The following ADAMTS2 variants were observed in gnomAD, a reference collection of about 807,000 sequenced individuals.
The protein encoded by ADAMTS2 is A disintegrin and metalloproteinase with thrombospondin motifs 2.
ADAMTS2 carries 50 observed loss-of-function variants against 123.0 expected under a neutral mutation model. The observed-to-expected ratio is 0.41, with a 90% CI of 0.32 to 0.51. The LOEUF is 0.51. Ranked by LOEUF, ADAMTS2 falls within the 20% of genes least tolerant of loss-of-function variation. The pLI, the probability that ADAMTS2 is intolerant of heterozygous loss-of-function variation, is 0.35. For synonymous variants in ADAMTS2, 678 were observed against 695.4 expected (o/e 0.98, Z 0.39); for missense variants, 1,494 against 1,705.2 (o/e 0.88, Z 2.18).
intron 18 of ADAMTS2, 65 bp downstream of exon 18, chr5:179,125,933 C>G (rs984654286): frequency 9.5e-5 from 152 of 1,606,248 alleles, no homozygotes; most frequent in Admixed American, 2.5e-4. Context: ...CACCTCCAAG[C>G]ACGGGAGCCC....
intron 2 of ADAMTS2, among the ~76,000 whole-genome samples, chr5:179,288,322 G>A (rs1037914999): frequency 6.6e-5 from 10 of 152,346 alleles, no homozygotes; most frequent in African/African-American, 2.4e-4. Context: ...TCCCGGGCGG[G>A]CAGCCCTGCC....
At chr5:179,309,616 C>A (rs71611485) in intron 2 of ADAMTS2, among the ~76,000 whole-genome samples, 3,692 of 152,054 alleles carry the variant, frequency 0.024, 66 homozygotes, top group Non-Finnish European at 0.037. Context: ...AAAATAGCCA[C>A]GCATGGTGGC....
intron 5 of ADAMTS2, among the ~76,000 whole-genome samples, chr5:179,160,198 C>G (rs549469538): frequency 5.3e-4 from 81 of 152,298 alleles, no homozygotes; most frequent in African/African-American, 1.9e-3. Flanking sequence ...GTGGCTCACA[C>G]CTGTAATCCC....
chr5:179,225,714 C>G lies in ADAMTS2; in HGVS notation c.689-17999G>C, dbSNP rs549076860. 9.2e-5 allele frequency among the ~76,000 whole-genome samples: 14 copies of G among 152,270 alleles called. No individual in the cohort carries two copies. The highest frequency in any genetic ancestry group is 3.4e-4 in the African/African-American group (14 of 41,550). ...GGAGAGCCCAGGCTGCTTAGCGGCC[C>G]GACTCCAGGGAAAGCCCTTTGCACC... On this transcript the variant is annotated intron_variant, in intron 3 of 21. Coordinates refer to ENST00000251582, the MANE Select transcript of ADAMTS2 (RefSeq NM_014244.5). The surrounding 1 kb of genome is among the most constrained non-coding windows in gnomAD (Gnocchi z 4.5).
Position 179,129,611 on chromosome 5 carries a change from C to A in ADAMTS2, c.2457+321G>T, listed in dbSNP as rs1304208133. On this transcript the variant is annotated intron_variant, in intron 16 of 21. Transcript: ENST00000251582. The surrounding 1 kb of genome is among the most constrained non-coding windows in gnomAD (Gnocchi z 4.1). ...CTGAGCGTCACCTCCCAGAGTGTCA[C>A]CGATTCCAATGTAACAGCACACTCG... Among the ~76,000 whole-genome samples, 1 of 152,142 alleles carries A rather than the reference C, an allele frequency of 6.6e-6. No homozygotes were observed. The highest frequency in any genetic ancestry group is 1.5e-5 in the Non-Finnish European group (1 of 68,016).
Position 179,127,946 on chromosome 5 carries a change from G to T in ADAMTS2, c.2617+13C>A, listed in dbSNP as rs756651045. 5.6e-6 allele frequency: 9 copies of T among 1,612,992 alleles called. No individual in the cohort carries two copies. The East Asian group carries it at 2.0e-4, about 36-fold the overall frequency. Reference sequence around the variant, plus strand: ...TCATGTCACCCAGGTCCCCAGCTTCGAGACCCCCTCACCTCCGCCACAGGG... The same window carrying T: ...TCATGTCACCCAGGTCCCCAGCTTCTAGACCCCCTCACCTCCGCCACAGGG... On this transcript the variant is annotated intron_variant, in intron 17 of 21. Transcript: ENST00000251582.
At position 179,181,237 on chromosome 5, in the gene ADAMTS2, G is replaced by C; in HGVS notation, c.892-82C>G. The C allele has an allele frequency of 7.0e-6, 7 of 992,944 alleles. No homozygotes were observed. The highest frequency in any genetic ancestry group is 6.4e-5 in the South Asian group (5 of 77,722). 61.5% of individuals were successfully genotyped at this position (992,944 alleles called of 1,614,324 possible). A position where few individuals can be genotyped will look rare whatever the true frequency, so the allele number is the denominator to read the frequency against. ...TCTGCCAATGGGATGACCCCCACCT[G>C]CTCCTTCTTCTTCCCATGCTTTCCA... is the stretch of plus-strand genomic sequence containing the variant. On this transcript the variant is annotated intron_variant, in intron 4 of 21. Coordinates refer to ENST00000251582, the MANE Select transcript of ADAMTS2 (RefSeq NM_014244.5). This position sits in a 1 kb window ranked among gnomAD's most constrained non-coding sequence, Gnocchi z 4.1.
chr5:179,327,991 C>A (rs767541159), intron 2 of ADAMTS2, among the ~76,000 whole-genome samples: 2 of 152,132 alleles, frequency 1.3e-5, no homozygotes, highest in Non-Finnish European at 2.9e-5. Context: ...TATCTGGGAA[C>A]GCAAACATGG....
chr5:179,200,579 G>A (rs1764540528), intron 4 of ADAMTS2, among the ~76,000 whole-genome samples: 1 of 152,092 alleles, frequency 6.6e-6, no homozygotes, highest in African/African-American at 2.4e-5. Flanking sequence ...GAGAAATTCA[G>A]GTGGAGGGCT....
chr5:179,153,898 C>G, intron 8 of ADAMTS2, 151 bp downstream of exon 8: 1 of 1,200,366 alleles, frequency 8.3e-7, no homozygotes, highest in African/African-American at 1.5e-5. Flanking sequence ...CCAGGCTTCT[C>G]TCACAGGTGT....
At position 179,132,684 on chromosome 5, in the gene ADAMTS2, G is replaced by T; in HGVS notation, c.2209+93C>A. The T allele has an allele frequency of 6.4e-7, 1 of 1,572,020 alleles. No homozygotes were observed. The highest frequency in any genetic ancestry group is 8.7e-7 in the Non-Finnish European group (1 of 1,145,714). Reference sequence around the variant, plus strand: ...CCTCCCCAGAACAGTCATAAGCCCGGACAGCCCCAGGATGAGTCAGGCCCT... The same window carrying T: ...CCTCCCCAGAACAGTCATAAGCCCGTACAGCCCCAGGATGAGTCAGGCCCT... On this transcript the variant is annotated intron_variant, in intron 14 of 21. Coordinates refer to ENST00000251582, the MANE Select transcript of ADAMTS2 (RefSeq NM_014244.5). The surrounding 1 kb of genome is among the most constrained non-coding windows in gnomAD (Gnocchi z 6.1).
intron 20 of ADAMTS2, 199 bp from the exon 21 acceptor site, chr5:179,121,949 G>T: frequency 2.3e-6 from 1 of 442,130 alleles, no homozygotes; most frequent in Non-Finnish European, 4.0e-6. Flanking sequence ...GTCTCAGCTG[G>T]GTCTCAGCTA....
chr5:179,187,086 C>T (rs1388865127), intron 4 of ADAMTS2, among the ~76,000 whole-genome samples: 3 of 152,170 alleles, frequency 2.0e-5, no homozygotes, highest in African/African-American at 7.2e-5. Context: ...CCAGAGCCGG[C>T]TGCCCTCTCC....
chr5:179,144,631 A>G (rs1427366591), intron 10 of ADAMTS2, among the ~76,000 whole-genome samples: 1 of 152,266 alleles, frequency 6.6e-6, no homozygotes, highest in Non-Finnish European at 1.5e-5. Context: ...TTAAACTTTG[A>G]CAATTCAATG....
In ADAMTS2 at chr5:179,249,207, GAAAATA is replaced by G. The variant is rs545066374; in HGVS notation, c.688+23698_688+23703del. On this transcript the variant is annotated intron_variant, in intron 3 of 21. Coordinates refer to ENST00000251582, the MANE Select transcript of ADAMTS2 (RefSeq NM_014244.5). ...ATAAATAATAAATCTTGAGACAAAT[GAAAATA>G]AAAACACAACATACCCAAAACTTAA... Among the ~76,000 whole-genome samples, 70 of 151,992 alleles carry G rather than the reference GAAAATA, an allele frequency of 4.6e-4. 1 individual carries two copies. The highest frequency in any genetic ancestry group is 6.8e-3 in the Middle Eastern group (2 of 292).
chr5:179,134,858 T>C (rs551719145), intron 13 of ADAMTS2, among the ~76,000 whole-genome samples: 27 of 32,544 alleles, frequency 8.3e-4, no homozygotes, highest in East Asian at 3.8e-3. Flanking sequence ...CGGCTCCAGC[T>C]CCCAGCTCCC....
intron 3 of ADAMTS2, among the ~76,000 whole-genome samples, chr5:179,223,539 C>T (rs1458618396): frequency 2.4e-5 from 1 of 42,244 alleles, no homozygotes; most frequent in Non-Finnish European, 6.0e-5. Flanking sequence ...TGCACTCACA[C>T]TCACACGAAT....
chr5:179,138,952 A>T (rs1359183247), intron 11 of ADAMTS2, among the ~76,000 whole-genome samples: 1 of 152,230 alleles, frequency 6.6e-6, no homozygotes, highest in Non-Finnish European at 1.5e-5. Flanking sequence ...TGCATCTGTG[A>T]TGCCCAATTT....
chr5:179,207,471 A>ACCCAACCCCCCCCCCCCC, intron 4 of ADAMTS2, 42 bp downstream of exon 4: 1 of 1,026,474 alleles, frequency 9.7e-7, no homozygotes, highest in Non-Finnish European at 1.5e-6. Context: ...CCCCTGGTTG[A>ACCCAACCCCCCCCCCCCC]CCCTCCCCGC....
Sources: allele counts gnomAD v4.1 joint callset (sites outside exome capture counted in the v4.1 genomes callset), GRCh38; gene constraint gnomAD v4.1.1; non-coding constraint Gnocchi (gnomAD v3.1); transcripts MANE v1.5; gene names NCBI Gene and HGNC (gene_info 2026-07-23, HGNC 2026-07-21).